Variants in EBF1 observed in about 807,000 individuals in gnomAD.
EBF1 encodes the protein transcription factor COE1.
In EBF1, 10 loss-of-function variants were observed where a neutral mutation model predicts 68.4. That is an observed-to-expected ratio of 0.15 (90% confidence interval 0.09 to 0.25). The LOEUF (loss-of-function observed/expected upper bound fraction) is 0.25, where lower values mean the gene tolerates loss of function less well. Among genes scored for constraint, EBF1 ranks in the 10% least tolerant of loss-of-function variants. The pLI, the probability that EBF1 is intolerant of heterozygous loss-of-function variation, is 1.00. For missense variants in EBF1, 509 were observed against 794.4 expected (o/e 0.64, Z 4.32); for synonymous variants, 298 against 299.8 (o/e 0.99, Z 0.06).
At chr5:158,975,028 A>G (rs1561678681) in intron 6 of EBF1, among the ~76,000 whole-genome samples, 2 of 152,182 alleles carry the variant, frequency 1.3e-5, no homozygotes, top group Non-Finnish European at 2.9e-5. Context: ...GTACTGTCTA[A>G]TGTTCAAAGA....
At chr5:158,726,194 C>T (rs996908971) in intron 11 of EBF1, among the ~76,000 whole-genome samples, 9 of 152,142 alleles carry the variant, frequency 5.9e-5, no homozygotes, top group African/African-American at 1.9e-4. Flanking sequence ...GCCATGTCTA[C>T]GTGTTATCTA....
intron 6 of EBF1, among the ~76,000 whole-genome samples, chr5:158,938,140 T>C (rs1812479127): frequency 6.6e-6 from 1 of 152,232 alleles, no homozygotes; most frequent in African/African-American, 2.4e-5. Context: ...TTGAGACCCT[T>C]TTCAATTCAA....
intron 8 of EBF1, among the ~76,000 whole-genome samples, chr5:158,818,681 C>G (rs144578918): frequency 6.6e-6 from 1 of 152,098 alleles, no homozygotes; most frequent in Non-Finnish European, 1.5e-5. Flanking sequence ...ATGTTGCAGT[C>G]TTTATTATAA....
intron 7 of EBF1, among the ~76,000 whole-genome samples, chr5:158,831,169 G>T (rs904869182): frequency 6.6e-6 from 1 of 152,086 alleles, no homozygotes; most frequent in Non-Finnish European, 1.5e-5. Flanking sequence ...TGTCCTCATT[G>T]GCCATTTTAG....
intron 6 of EBF1, among the ~76,000 whole-genome samples, chr5:158,895,875 A>T (rs1320212802): frequency 6.6e-6 from 1 of 152,230 alleles, no homozygotes; most frequent in Non-Finnish European, 1.5e-5. Context: ...GCCAAATCAT[A>T]CTTTTGGAAC....
intron 11 of EBF1, among the ~76,000 whole-genome samples, chr5:158,714,527 C>T (rs1012180505): frequency 7.2e-5 from 11 of 152,156 alleles, no homozygotes; most frequent in African/African-American, 2.4e-4. Flanking sequence ...GTATGAATCC[C>T]TAAGATGTGT....
intron 6 of EBF1, among the ~76,000 whole-genome samples, chr5:158,843,490 C>G (rs1406560330): frequency 2.0e-5 from 3 of 152,206 alleles, no homozygotes; most frequent in Admixed American, 1.3e-4. Flanking sequence ...CCCTGTTACC[C>G]TAAGCTGGCC....
intron 8 of EBF1, among the ~76,000 whole-genome samples, chr5:158,815,620 C>T (rs1335812360): frequency 1.3e-5 from 2 of 152,136 alleles, no homozygotes; most frequent in African/African-American, 4.8e-5. Flanking sequence ...AGCACTATTT[C>T]TCATTTGTTA....
intron 11 of EBF1, among the ~76,000 whole-genome samples, chr5:158,722,580 T>G (rs1341506942): frequency 6.6e-6 from 1 of 152,234 alleles, no homozygotes; most frequent in Non-Finnish European, 1.5e-5. Context: ...TCCCATACTA[T>G]ATAGATACAT....
At chr5:158,771,850 C>T (rs745868355) in intron 10 of EBF1, among the ~76,000 whole-genome samples, 3 of 152,080 alleles carry the variant, frequency 2.0e-5, no homozygotes, top group African/African-American at 4.8e-5. Context: ...TCACAGCTAG[C>T]GAGTAGCAAG....
chr5:159,073,578 A>T (rs1475989415), intron 5 of EBF1, 114 bp from the exon 6 acceptor site: 1 of 1,112,914 alleles, frequency 9.0e-7, no homozygotes, highest in Non-Finnish European at 1.3e-6. Context: ...CCACAAAGCC[A>T]TACCTGGCAA....
At chr5:158,943,540 G>T (rs573835115) in intron 6 of EBF1, among the ~76,000 whole-genome samples, 146 of 152,220 alleles carry the variant, frequency 9.6e-4, no homozygotes, top group African/African-American at 3.2e-3. Flanking sequence ...CCCCAGAAAA[G>T]CTTCTAAACA....
At chr5:159,035,441 T>C (rs1056954840) in intron 6 of EBF1, among the ~76,000 whole-genome samples, 2 of 152,202 alleles carry the variant, frequency 1.3e-5, no homozygotes, top group African/African-American at 4.8e-5. Context: ...AAGGTTAAGT[T>C]ATCAGCAGAA....
chr5:159,079,103 G>A (rs1369338654), intron 5 of EBF1, among the ~76,000 whole-genome samples: 2 of 152,122 alleles, frequency 1.3e-5, no homozygotes, highest in Non-Finnish European at 2.9e-5. Flanking sequence ...TTATAAAGAT[G>A]ACTTGATTTT....
chr5:158,767,096 A>G (rs1356873187), intron 10 of EBF1, among the ~76,000 whole-genome samples: 1 of 152,216 alleles, frequency 6.6e-6, no homozygotes, highest in Middle Eastern at 3.2e-3. Flanking sequence ...GATTAAAGCC[A>G]TGTGATAAAT....
Position 159,068,350 on chromosome 5 carries a change from T to C in EBF1, c.554+5046A>G, listed in dbSNP as rs528522328. ...CAAATACATACCACACCCGACCCAA[T>C]GGTAAAAAGTATGTGGGTGGGTGGA... On this transcript the variant is annotated intron_variant, in intron 6 of 15. Transcript: ENST00000313708. Among the ~76,000 whole-genome samples, 190 of 149,348 alleles carry C rather than the reference T, an allele frequency of 1.3e-3. 2 individuals are homozygous for C. The highest frequency in any genetic ancestry group is 4.7e-4 in the Non-Finnish European group (32 of 67,424).
chr5:158,801,498 C>T (rs530018625), intron 8 of EBF1, among the ~76,000 whole-genome samples: 4 of 152,018 alleles, frequency 2.6e-5, no homozygotes, highest in Non-Finnish European at 4.4e-5. Context: ...TGAGAAAACA[C>T]GGACAAGCGA....
intron 6 of EBF1, among the ~76,000 whole-genome samples, chr5:159,062,449 A>G (rs1561920019): frequency 7.1e-6 from 1 of 140,342 alleles, no homozygotes; most frequent in East Asian, 2.5e-4. Flanking sequence ...AACCAGGCAC[A>G]TGATGGGATT....
intron 6 of EBF1, among the ~76,000 whole-genome samples, chr5:159,000,051 A>G (rs943647195): frequency 2.0e-5 from 3 of 152,182 alleles, no homozygotes; most frequent in Non-Finnish European, 4.4e-5. Flanking sequence ...CTGACCTGAC[A>G]TTTGTGCTGA....
Sources: gnomAD v4.1 joint callset for allele counts (sites outside exome capture counted in the v4.1 genomes callset) on GRCh38, gnomAD v4.1.1 for gene constraint, MANE v1.5 for transcripts, NCBI Gene and HGNC (gene_info 2026-07-23, HGNC 2026-07-21) for gene names.